The following PPME1 variants were observed in gnomAD, a reference collection of about 807,000 sequenced individuals.
PPME1 encodes testicular secretory protein Li 39.
In PPME1, 17 loss-of-function variants were observed where a neutral mutation model predicts 56.9. The ratio of observed to expected loss-of-function variants is 0.30; its 90% CI spans 0.20 to 0.45. The LOEUF is 0.45. Ranked by LOEUF, PPME1 falls within the 20% of genes least tolerant of loss-of-function variation. PPME1 has a pLI of 1.00. For synonymous variants in PPME1, 122 were observed against 156.2 expected, an observed-to-expected ratio of 0.78 and a Z score of 1.63; for missense variants, 357 against 483.2, an observed-to-expected ratio of 0.74 and a Z score of 2.45.
At chr11:74,206,269 C>T (rs866068440) in intron 3 of PPME1, among the ~76,000 whole-genome samples, 4 of 152,158 alleles carry the variant, frequency 2.6e-5, no homozygotes, top group African/African-American at 9.7e-5. Context: ...TGGACATGAA[C>T]TCCTAGGCTT....
chr11:74,217,413 G>T (rs139530039), intron 3 of PPME1, among the ~76,000 whole-genome samples: 1 of 151,682 alleles, frequency 6.6e-6, no homozygotes, highest in African/African-American at 2.4e-5. Flanking sequence ...ATGGTGGCGC[G>T]CACTTCTTAT....
intron 1 of PPME1, among the ~76,000 whole-genome samples, chr11:74,186,543 A>G (rs1045643179): frequency 6.6e-6 from 1 of 152,294 alleles, no homozygotes; most frequent in Non-Finnish European, 1.5e-5. Context: ...CGTTTGGAAA[A>G]TGGGGATAAT....
intron 9 of PPME1, among the ~76,000 whole-genome samples, chr11:74,241,885 C>T (rs1859369830): frequency 6.6e-6 from 1 of 152,174 alleles, no homozygotes; most frequent in African/African-American, 2.4e-5. Flanking sequence ...ATTCTAGATA[C>T]AGATCCCTAA....
Position 74,171,360 on chromosome 11 carries a change from C to T in PPME1, c.-62C>T. On this transcript the variant is annotated 5_prime_UTR_variant, in exon 1 of 14. Transcript: ENST00000328257. ...GGGAGCGAGTCGTGACCGGTTGGGC[C>T]ACACTCAACGTGGGACGAAGCTTCG... 6.5e-7 allele frequency: 1 copy of T among 1,548,946 alleles called. No homozygotes were observed. The highest frequency in any genetic ancestry group is 2.4e-5 in the East Asian group (1 of 41,738).
intron 4 of PPME1, among the ~76,000 whole-genome samples, chr11:74,223,769 C>G (rs867502587): frequency 8.2e-6 from 1 of 121,832 alleles, no homozygotes; most frequent in African/African-American, 3.2e-5. Context: ...TCATGTCCTT[C>G]GCCCACTTTT....
rs1180985570 is a variant in PPME1, at chr11:74,254,049, C to T, written c.*539C>T. The T allele has an allele frequency of 1.9e-5, 3 of 154,908 alleles. No homozygotes were observed. In the East Asian group the frequency reaches 5.8e-4, roughly 30 times the overall value. The allele number at this position is 154,908 out of a possible 1,614,324, so 9.6% of individuals were successfully genotyped here. On this transcript the variant is annotated 3_prime_UTR_variant, in exon 14 of 14. Transcript: ENST00000328257. ...AGACCCAGAGAGGCCAAGATCCCAT[C>T]CTTAGCCATAGCGAGCGGTGGTGGT...
In PPME1 at chr11:74,246,080, A is replaced by G. The variant is rs768668961; in HGVS notation, c.839A>G (p.Lys280Arg). The G allele has an allele frequency of 1.3e-6, 2 of 1,580,802 alleles. No homozygotes were observed. Among genetic ancestry groups the G allele is most frequent in the Admixed American group, 3.6e-5 (2 of 55,376 alleles). The change falls in exon 10 of 14, where the codon AAG becomes AGG. Residue 280 changes from lysine to arginine, a missense_variant. Physicochemically the swap from Lys to Arg is conservative, Grantham distance 26. Around this residue, in one of 2 missense-constraint regions of PPME1, gnomAD observed 182 missense variants for 293.8 expected, o/e 0.62. Transcript: ENST00000328257. The stretch of plus-strand genomic sequence containing the variant: ...AACTTGCTCTTATTCCTCCAGACCA[A>G]GAAAGACCATCCATACACCTGGAGA... ...KRKKEDDMET[K>R]KDHPYTWRIE... is the part of the protein sequence containing the mutation.
chr11:74,187,209 T>A (rs561880914), intron 1 of PPME1, among the ~76,000 whole-genome samples: 1 of 152,196 alleles, frequency 6.6e-6, no homozygotes, highest in Non-Finnish European at 1.5e-5. Flanking sequence ...TGTTCTTTTT[T>A]AAAAAACTTA....
chr11:74,251,749 G>A, intron 13 of PPME1, 34 bp downstream of exon 13: 1 of 1,610,378 alleles, frequency 6.2e-7, no homozygotes, highest in Non-Finnish European at 8.5e-7. Context: ...GAACCCAGCA[G>A]TGCTGGCCGA....
At chr11:74,215,156 G>A (rs1439215909) in intron 3 of PPME1, among the ~76,000 whole-genome samples, 1 of 152,124 alleles carries the variant, frequency 6.6e-6, no homozygotes, top group Non-Finnish European at 1.5e-5. Context: ...GACCAGCCTG[G>A]ACAACACGGT....
chr11:74,206,467 T>TACTAAAGTATTCTA (rs1301378949), intron 3 of PPME1, among the ~76,000 whole-genome samples: 17 of 152,336 alleles, frequency 1.1e-4, no homozygotes, highest in Non-Finnish European at 1.5e-4. Context: ...AAGATTAGAA[T>TACTAAAGTATTCTA]ACTTTAAACA....
chr11:74,187,563 AATTG>A (rs1857718094), intron 1 of PPME1, among the ~76,000 whole-genome samples: 1 of 152,214 alleles, frequency 6.6e-6, no homozygotes, highest in Admixed American at 6.5e-5. Context: ...ACAGAAATAC[AATTG>A]ATTTTTATAT....
chr11:74,220,956 A>G (rs1591048831), intron 3 of PPME1, among the ~76,000 whole-genome samples: 1 of 152,174 alleles, frequency 6.6e-6, no homozygotes, highest in Middle Eastern at 3.2e-3. Context: ...TTCTTCCACC[A>G]TAGTAGAATG....
intron 3 of PPME1, among the ~76,000 whole-genome samples, chr11:74,206,960 T>G (rs747834077): frequency 7.9e-5 from 12 of 152,220 alleles, no homozygotes; most frequent in Admixed American, 1.3e-4. Context: ...ATTTAATTTT[T>G]CTGTAATACT....
At position 74,251,472 on chromosome 11, in the gene PPME1, G is replaced by A. The variant is rs530993071; in HGVS notation, c.1075-176G>A. 8 of 1,432,204 alleles carry A rather than the reference G, an allele frequency of 5.6e-6. No individual in the cohort carries two copies. The Admixed American group carries it at 2.0e-4, about 36-fold the overall frequency. 88.7% of individuals were successfully genotyped at this position (1,432,204 alleles called of 1,614,324 possible). Reference sequence around the variant, plus strand: ...GAGCTATCCCTGGCAAGGATAGTGGGGAGGAGTCTTCTAGCTCTGCTAGGG... The same window carrying A: ...GAGCTATCCCTGGCAAGGATAGTGGAGAGGAGTCTTCTAGCTCTGCTAGGG... On this transcript the variant is annotated intron_variant, in intron 12 of 13. Coordinates refer to ENST00000328257, the MANE Select transcript of PPME1 (RefSeq NM_016147.3).
At chr11:74,229,850 T>C (rs1859023370) in intron 5 of PPME1, among the ~76,000 whole-genome samples, 1 of 152,238 alleles carries the variant, frequency 6.6e-6, no homozygotes, top group Non-Finnish European at 1.5e-5. Context: ...ATTATAATGC[T>C]TAATAAATTT....
intron 1 of PPME1, among the ~76,000 whole-genome samples, chr11:74,173,329 C>G (rs566882026): frequency 3.4e-4 from 51 of 152,010 alleles, no homozygotes; most frequent in Non-Finnish European, 6.0e-4. Flanking sequence ...ATACCAGCAC[C>G]CTTCTATACA....
At chr11:74,231,297 G>A (rs940799987) in intron 7 of PPME1, among the ~76,000 whole-genome samples, 1 of 152,164 alleles carries the variant, frequency 6.6e-6, no homozygotes, top group African/African-American at 2.4e-5. Flanking sequence ...TCCTGCTTTA[G>A]CCTGGCCTCA....
intron 1 of PPME1, among the ~76,000 whole-genome samples, chr11:74,188,842 T>C (rs1030831733): frequency 2.6e-5 from 4 of 152,238 alleles, no homozygotes; most frequent in Non-Finnish European, 5.9e-5. Flanking sequence ...TTGGAATAAT[T>C]CTTAATACAC....
Sources: allele counts gnomAD v4.1 joint callset (sites outside exome capture counted in the v4.1 genomes callset), GRCh38; gene constraint gnomAD v4.1.1; regional missense constraint gnomAD v4.1.1; transcripts MANE v1.5; gene names NCBI Gene and HGNC (gene_info 2026-07-23, HGNC 2026-07-21).